GULP1: variants seen among roughly 807,000 people sequenced by gnomAD.
GULP1 encodes the protein GULP PTB domain containing engulfment adaptor 1, also known as PTB domain-containing engulfment adapter protein 1.
GULP1 carries 19 observed loss-of-function variants against 40.9 expected under a neutral mutation model. That is an observed-to-expected ratio of 0.46 (90% CI 0.32 to 0.68). The LOEUF (loss-of-function observed/expected upper bound fraction) is 0.68. GULP1 is among the 30% of genes least tolerant of loss of function. The pLI is 0.03. For missense variants in GULP1, 312 were observed against 362.2 expected, an observed-to-expected ratio of 0.86 and a Z score of 1.12; for synonymous variants, 119 against 117.6, an observed-to-expected ratio of 1.01 and a Z score of -0.08.
intron 2 of GULP1, among the ~76,000 whole-genome samples, chr2:188,430,792 T>A (rs2152817032): frequency 6.6e-6 from 1 of 152,304 alleles, no homozygotes; most frequent in South Asian, 2.1e-4. Context: ...TTCCTTCACC[T>A]TTCTGTGTGA....
At chr2:188,456,270 G>C (rs912686342) in intron 2 of GULP1, among the ~76,000 whole-genome samples, 5 of 152,274 alleles carry the variant, frequency 3.3e-5, no homozygotes, top group East Asian at 1.9e-4. Flanking sequence ...TGTCTCCAGG[G>C]CATGTCAGAG....
Position 188,536,482 on chromosome 2 carries a change from A to C in GULP1, c.262-4699A>C, listed in dbSNP as rs139809067. Among the ~76,000 whole-genome samples, 604 of 152,264 alleles carry C rather than the reference A, an allele frequency of 4.0e-3. 5 individuals are homozygous for C. The highest frequency in any genetic ancestry group is 0.014 in the African/African-American group (570 of 41,554). On this transcript the variant is annotated intron_variant, in intron 6 of 11. Transcript: ENST00000409830. ...TGTTTATTTTTGTTGACTTTGTCAA[A>C]GATCAGATGGCTGTAGACTTGTGGC... is the stretch of plus-strand genomic sequence containing the variant.
intron 2 of GULP1, among the ~76,000 whole-genome samples, chr2:188,471,183 T>G (rs2060559056): frequency 1.3e-5 from 2 of 152,194 alleles, no homozygotes; most frequent in Admixed American, 1.3e-4. Context: ...CCTACTCTTT[T>G]TTGGTTTCTC....
chr2:188,417,277 G>A (rs1365272349), intron 2 of GULP1, among the ~76,000 whole-genome samples: 1 of 152,108 alleles, frequency 6.6e-6, no homozygotes, highest in African/African-American at 2.4e-5. Flanking sequence ...TGGCTCATTG[G>A]ATTATAAAGA....
chr2:188,339,511 A>G (rs1323276107), intron 1 of GULP1, among the ~76,000 whole-genome samples: 1 of 152,112 alleles, frequency 6.6e-6, no homozygotes, highest in East Asian at 1.9e-4. Context: ...TACATTTTTA[A>G]TTATACATTA....
chr2:188,395,051 G>A (rs961624892), intron 2 of GULP1, among the ~76,000 whole-genome samples: 1 of 152,204 alleles, frequency 6.6e-6, no homozygotes, highest in Admixed American at 6.5e-5. Context: ...GGTAGAAACT[G>A]GGTGTGGCTA....
chr2:188,535,278 A>G (rs1688632977), intron 6 of GULP1, among the ~76,000 whole-genome samples: 1 of 152,066 alleles, frequency 6.6e-6, no homozygotes, highest in African/African-American at 2.4e-5. Flanking sequence ...CATATGAATG[A>G]TTCCATCACC....
intron 2 of GULP1, among the ~76,000 whole-genome samples, chr2:188,419,168 A>G (rs1414172663): frequency 2.0e-5 from 3 of 152,196 alleles, no homozygotes; most frequent in African/African-American, 4.8e-5. Context: ...GTACATAGGC[A>G]TGCTGGTCTC....
At chr2:188,378,211 C>T (rs2048536394) in intron 1 of GULP1, among the ~76,000 whole-genome samples, 1 of 151,102 alleles carries the variant, frequency 6.6e-6, no homozygotes, top group East Asian at 1.9e-4. Context: ...CTTTCCAGGC[C>T]AGCTACAGTC....
At chr2:188,341,725 A>G (rs2042993025) in intron 1 of GULP1, among the ~76,000 whole-genome samples, 1 of 152,204 alleles carries the variant, frequency 6.6e-6, no homozygotes, top group Non-Finnish European at 1.5e-5. Context: ...TTTTAATATA[A>G]ATTATCACAT....
chr2:188,570,101 C>A lies in GULP1; in HGVS notation c.590C>A (p.Thr197Asn). ...GATTTGGAAAACCAACTGAGAATAA[C>A]TCAAGTATCAGCACCTCCAGTGAGT... is the stretch of plus-strand genomic sequence containing the variant. ...VQDLENQLRI[T>N]QVSAPPAGSM... The change falls in exon 9 of 12, where the codon ACT becomes AAT. Residue 197 changes from threonine (T) to asparagine (N), a missense_variant. Coordinates refer to ENST00000409830, the MANE Select transcript of GULP1 (RefSeq NM_016315.4). 1.4e-6 allele frequency: 2 copies of A among 1,439,162 alleles called. No individual in the cohort carries two copies. The highest frequency in any genetic ancestry group is 1.2e-5 in the South Asian group (1 of 81,716). The allele number at this position is 1,439,162 out of a possible 1,614,324, so 89.1% of individuals were successfully genotyped here.
At chr2:188,464,147 A>G (rs575901296) in intron 2 of GULP1, among the ~76,000 whole-genome samples, 4 of 152,238 alleles carry the variant, frequency 2.6e-5, no homozygotes, top group African/African-American at 7.2e-5. Context: ...GTTTGTATGC[A>G]TCCTTCTTGG....
At chr2:188,578,364 GA>G (rs1303204052) in intron 9 of GULP1, among the ~76,000 whole-genome samples, 2 of 150,980 alleles carry the variant, frequency 1.3e-5, no homozygotes, top group East Asian at 1.9e-4. Flanking sequence ...ACTACTTACT[GA>G]AAAAAAAGAG....
At chr2:188,492,143 T>C (rs1032953489) in intron 4 of GULP1, among the ~76,000 whole-genome samples, 2 of 152,042 alleles carry the variant, frequency 1.3e-5, no homozygotes, top group African/African-American at 4.8e-5. Context: ...GTGTAATTCA[T>C]ACAAGCAAAA....
chr2:188,499,868 T>G (rs1164075496), intron 4 of GULP1, among the ~76,000 whole-genome samples: 2 of 151,930 alleles, frequency 1.3e-5, no homozygotes, highest in South Asian at 2.1e-4. Context: ...ACCTTCTGCA[T>G]TGAAGTATAT....
At chr2:188,463,421 C>T (rs1394194746) in intron 2 of GULP1, among the ~76,000 whole-genome samples, 2 of 152,090 alleles carry the variant, frequency 1.3e-5, no homozygotes, top group African/African-American at 2.4e-5. Flanking sequence ...TGTTTCTTTT[C>T]TCTTGCTGCT....
intron 7 of GULP1, among the ~76,000 whole-genome samples, chr2:188,551,562 CCATTTATCCATTGGCGGA>C (rs1176896037): frequency 5.3e-5 from 8 of 151,614 alleles, no homozygotes; most frequent in Admixed American, 3.9e-4. Context: ...TTTTCTTCAT[CCATTTATCCATTGGCGGA>C]CATTTAGGTT....
chr2:188,567,170 T>C (rs1163247712), intron 7 of GULP1, among the ~76,000 whole-genome samples: 1 of 152,192 alleles, frequency 6.6e-6, no homozygotes, highest in African/African-American at 2.4e-5. Context: ...TAAATGTTTT[T>C]ACACTGTTGG....
chr2:188,412,720 T>C (rs564627405), intron 2 of GULP1, among the ~76,000 whole-genome samples: 1 of 152,298 alleles, frequency 6.6e-6, no homozygotes, highest in South Asian at 2.1e-4. Context: ...CATTGTTCTT[T>C]CCAACTTTGC....
Sources: gnomAD v4.1 joint callset for allele counts (sites outside exome capture counted in the v4.1 genomes callset) on GRCh38, gnomAD v4.1.1 for gene constraint, MANE v1.5 for transcripts, NCBI Gene and HGNC (gene_info 2026-07-23, HGNC 2026-07-21) for gene names.